The following ATXN7L1 variants were observed in gnomAD, a reference collection of about 807,000 sequenced individuals.
ATXN7L1 encodes ataxin 7 like 1, also known as ataxin-7-like protein 1.
A neutral mutation model predicts 70.8 loss-of-function variants in ATXN7L1; 15 were observed. The observed-to-expected ratio is 0.21, with a 90% CI of 0.14 to 0.33. ATXN7L1 has a LOEUF of 0.33. Among genes scored for constraint, ATXN7L1 ranks in the 10% least tolerant of loss-of-function variants. The pLI, the probability that ATXN7L1 is intolerant of heterozygous loss-of-function variation, is 1.00. For missense variants in ATXN7L1, 975 were observed against 1,097.1 expected (o/e 0.89, Z 1.57); for synonymous variants, 440 against 445.1 (o/e 0.99, Z 0.14).
At position 105,614,061 on chromosome 7, in the gene ATXN7L1, G is replaced by A; in HGVS notation, c.2273C>T (p.Ser758Phe). Residue 758 changes from serine to phenylalanine, a missense_variant, in exon 10 of 12, where the codon TCT becomes TTT. By Grantham distance (155) the Ser-to-Phe change is radical. Transcript: ENST00000419735. The surrounding 1 kb of genome is among the most constrained non-coding windows in gnomAD (Gnocchi z 4.3). ...PSLALHAGDL[S>F]LASHNAVSSL... Reference sequence around the variant, plus strand: ...AGACACAGCATTGTGTGAGGCCAGAGAGAGGTCCCCTGCGTGGAGCGCAAG... The same window carrying A: ...AGACACAGCATTGTGTGAGGCCAGAAAGAGGTCCCCTGCGTGGAGCGCAAG... 1.9e-6 allele frequency: 3 copies of A among 1,551,874 alleles called. No individual in the cohort carries two copies. Among genetic ancestry groups the A allele is most frequent in the Non-Finnish European group, 1.7e-6 (2 of 1,147,028 alleles).
chr7:105,668,119 A>G (rs1384147054), intron 3 of ATXN7L1, among the ~76,000 whole-genome samples: 1 of 152,244 alleles, frequency 6.6e-6, no homozygotes, highest in Non-Finnish European at 1.5e-5. Context: ...ATAAATCACA[A>G]GGAAGTGTGC....
chr7:105,874,899 C>A (rs1182164980), intron 2 of ATXN7L1, among the ~76,000 whole-genome samples: 1 of 152,210 alleles, frequency 6.6e-6, no homozygotes, highest in African/African-American at 2.4e-5. Context: ...TATGTCTGAA[C>A]TCTTTCAATA....
intron 2 of ATXN7L1, among the ~76,000 whole-genome samples, chr7:105,864,663 T>TCACTCTGTCCCCCAGGCTGGAGTGC (rs1817147954): frequency 6.6e-6 from 1 of 151,056 alleles, no homozygotes; most frequent in Non-Finnish European, 1.5e-5. Flanking sequence ...AGACGGAGTG[T>TCACTCTGTCCCCCAGGCTGGAGTGC]CACTCTGTCC....
intron 3 of ATXN7L1, among the ~76,000 whole-genome samples, chr7:105,697,013 C>T (rs562296267): frequency 9.9e-5 from 15 of 151,986 alleles, no homozygotes; most frequent in African/African-American, 1.9e-4. Context: ...AGGGACTGTG[C>T]GAATAGGTGT....
At chr7:105,864,882 G>A (rs953758977) in intron 2 of ATXN7L1, among the ~76,000 whole-genome samples, 6 of 151,934 alleles carry the variant, frequency 3.9e-5, no homozygotes, top group Non-Finnish European at 5.9e-5. Context: ...TGATCCACCC[G>A]CCTGGGCCTC....
intron 2 of ATXN7L1, among the ~76,000 whole-genome samples, chr7:105,813,866 G>A (rs1808808154): frequency 6.6e-6 from 1 of 151,884 alleles, no homozygotes; most frequent in African/African-American, 2.4e-5. Context: ...CCTGAATTCT[G>A]AACTTGAGAT....
At chr7:105,840,076 T>C (rs564923182) in intron 2 of ATXN7L1, among the ~76,000 whole-genome samples, 3 of 152,116 alleles carry the variant, frequency 2.0e-5, no homozygotes, top group African/African-American at 7.2e-5. Context: ...GTGAGTGGTC[T>C]GTGGAGAGCA....
intron 3 of ATXN7L1, among the ~76,000 whole-genome samples, chr7:105,713,437 TG>T (rs1794164230): frequency 6.6e-6 from 1 of 152,248 alleles, no homozygotes; most frequent in Admixed American, 6.5e-5. Flanking sequence ...CCCAATGCGT[TG>T]CAGGAATAAT....
chr7:105,610,568 G>T lies in ATXN7L1; in HGVS notation c.2508C>A (p.Ser836=). 6.4e-7 allele frequency: 1 copy of T among 1,551,464 alleles called. No individual in the cohort carries two copies. The highest frequency in any genetic ancestry group is 8.7e-7 in the Non-Finnish European group (1 of 1,146,962). The change falls in exon 11 of 12, where the codon TCC becomes TCA. Residue 836 remains serine (S), a synonymous_variant. Coordinates refer to ENST00000419735, the MANE Select transcript of ATXN7L1 (RefSeq NM_020725.2). The part of the protein sequence containing the change: ...GKNSSLALSQ[S]SPSSISSPGH... Reference sequence around the variant, plus strand: ...CTGGGCTGGATATACTTGAAGGACTGGATTGTGACAAAGCTAGGCTGCTAT... The same window carrying T: ...CTGGGCTGGATATACTTGAAGGACTTGATTGTGACAAAGCTAGGCTGCTAT...
At chr7:105,833,841 T>A (rs945249056) in intron 2 of ATXN7L1, among the ~76,000 whole-genome samples, 23 of 152,174 alleles carry the variant, frequency 1.5e-4, no homozygotes, top group Non-Finnish European at 5.9e-5. Context: ...AAAACAAATA[T>A]AATAAAATGG....
At chr7:105,673,270 C>G (rs1054573540) in intron 3 of ATXN7L1, among the ~76,000 whole-genome samples, 8 of 152,238 alleles carry the variant, frequency 5.3e-5, no homozygotes, top group Non-Finnish European at 1.2e-4. Flanking sequence ...TATTTAAAAC[C>G]TTAGCACAGA....
chr7:105,856,879 A>G (rs1815817880), intron 2 of ATXN7L1, among the ~76,000 whole-genome samples: 1 of 152,170 alleles, frequency 6.6e-6, no homozygotes, highest in Non-Finnish European at 1.5e-5. Context: ...GAATGGAGAA[A>G]GCAAAACAAA....
chr7:105,872,061 T>C (rs10241007), intron 2 of ATXN7L1, among the ~76,000 whole-genome samples: 51,986 of 151,334 alleles, frequency 0.34, 10,276 homozygotes, highest in African/African-American at 0.53. Flanking sequence ...GGTGCGATCT[T>C]GGCTCACTGC....
chr7:105,736,785 C>T (rs561940374), intron 3 of ATXN7L1, among the ~76,000 whole-genome samples: 19 of 152,346 alleles, frequency 1.2e-4, no homozygotes, highest in Non-Finnish European at 1.9e-4. Flanking sequence ...GCTGGTGCTG[C>T]CCAGGTGGAG....
intron 5 of ATXN7L1, 46 bp downstream of exon 5, chr7:105,642,792 C>T (rs1292851265): frequency 1.3e-6 from 2 of 1,513,056 alleles, no homozygotes. Context: ...CTGCGACTCC[C>T]TTTCAGTCTA....
chr7:105,746,268 G>A (rs1049889556), intron 3 of ATXN7L1, among the ~76,000 whole-genome samples: 6 of 152,100 alleles, frequency 3.9e-5, no homozygotes, highest in African/African-American at 9.7e-5. Flanking sequence ...CCCAACAACC[G>A]CAGTGAGCAT....
chr7:105,671,889 C>CAAAAA (rs55748938), intron 3 of ATXN7L1, among the ~76,000 whole-genome samples: 2 of 56,430 alleles, frequency 3.5e-5, no homozygotes, highest in Non-Finnish European at 5.9e-5. Flanking sequence ...GACCCTGTCT[C>CAAAAA]AAAAAAAAAA....
chr7:105,858,776 G>C (rs185893997), intron 2 of ATXN7L1, among the ~76,000 whole-genome samples: 2 of 152,030 alleles, frequency 1.3e-5, no homozygotes, highest in Non-Finnish European at 2.9e-5. Flanking sequence ...TCCAGAACAG[G>C]AGAAAAACAG....
chr7:105,842,212 A>G (rs1166425629), intron 2 of ATXN7L1, among the ~76,000 whole-genome samples: 1 of 151,258 alleles, frequency 6.6e-6, no homozygotes, highest in East Asian at 1.9e-4. Flanking sequence ...TTTTTTTGAA[A>G]ATTTTTATTG....
Sources: gnomAD v4.1 joint callset for allele counts (sites outside exome capture counted in the v4.1 genomes callset) on GRCh38, gnomAD v4.1.1 for gene constraint, Gnocchi (gnomAD v3.1) non-coding constraint, MANE v1.5 for transcripts, NCBI Gene and HGNC (gene_info 2026-07-23, HGNC 2026-07-21) for gene names.